The following PLXDC2 variants were observed in gnomAD, a reference collection of about 807,000 sequenced individuals.
PLXDC2 encodes the protein plexin domain-containing protein 2.
In PLXDC2, 40 loss-of-function variants were observed where a neutral mutation model predicts 68.9. The ratio of observed to expected loss-of-function variants is 0.58; its 90% CI spans 0.45 to 0.76. PLXDC2 has a LOEUF of 0.76. PLXDC2 is among the 30% of genes least tolerant of loss of function. The pLI is 0.00. For synonymous variants in PLXDC2, 243 were observed against 234.2 expected (o/e 1.04, Z -0.34); for missense variants, 644 against 661.9 (o/e 0.97, Z 0.30).
intron 1 of PLXDC2, among the ~76,000 whole-genome samples, chr10:19,880,942 T>C (rs1162686780): frequency 6.6e-6 from 1 of 152,214 alleles, no homozygotes. Context: ...TTCTTAACAA[T>C]CTTTTGAGAT....
intron 3 of PLXDC2, among the ~76,000 whole-genome samples, chr10:20,057,943 G>A (rs551580407): frequency 1.5e-4 from 22 of 151,600 alleles, no homozygotes; most frequent in East Asian, 1.4e-3. Context: ...GATGTGGGGG[G>A]CTCTTTGTGT....
chr10:20,110,031 A>G (rs1038817361), intron 4 of PLXDC2, among the ~76,000 whole-genome samples: 15 of 152,346 alleles, frequency 9.8e-5, no homozygotes, highest in African/African-American at 2.9e-4. Flanking sequence ...AAAAATATAT[A>G]TGTAGGCATC....
chr10:19,874,783 G>A (rs1837603468), intron 1 of PLXDC2, among the ~76,000 whole-genome samples: 1 of 152,202 alleles, frequency 6.6e-6, no homozygotes, highest in African/African-American at 2.4e-5. Context: ...TTCAGTTAAA[G>A]GGATCAGAAG....
chr10:19,959,454 G>A (rs770455717), intron 1 of PLXDC2, among the ~76,000 whole-genome samples: 1 of 152,164 alleles, frequency 6.6e-6, no homozygotes, highest in Non-Finnish European at 1.5e-5. Flanking sequence ...TGATGTCTTT[G>A]TAGCAGTGAG....
chr10:19,992,688 T>C (rs1447109425), intron 1 of PLXDC2, among the ~76,000 whole-genome samples: 1 of 152,196 alleles, frequency 6.6e-6, no homozygotes, highest in African/African-American at 2.4e-5. Flanking sequence ...TATTTCAAGA[T>C]ATAATAGAAA....
chr10:19,987,082 C>A (rs758990824), intron 1 of PLXDC2, among the ~76,000 whole-genome samples: 3 of 152,162 alleles, frequency 2.0e-5, no homozygotes, highest in Non-Finnish European at 2.9e-5. Context: ...TTAATTGAAA[C>A]ATAAATGGAG....
intron 1 of PLXDC2, among the ~76,000 whole-genome samples, chr10:19,885,530 G>T (rs1288337961): frequency 2.6e-5 from 4 of 151,912 alleles, no homozygotes; most frequent in Admixed American, 6.6e-5. Flanking sequence ...TGATTTTTGT[G>T]TAAGGTGTAA....
Position 20,285,988 on chromosome 10 carries a change from T to C in PLXDC2, c.*6169T>C, listed in dbSNP as rs1018122804. On this transcript the variant is annotated 3_prime_UTR_variant, in exon 14 of 14. Coordinates refer to ENST00000377252, the MANE Select transcript of PLXDC2 (RefSeq NM_032812.9). Reference sequence around the variant, plus strand: ...GCCTAATTATTGTCTGGAATAACTTTTCAACCATCCAATGCCCACTGCTCT... The same window carrying C: ...GCCTAATTATTGTCTGGAATAACTTCTCAACCATCCAATGCCCACTGCTCT... 5 of 152,224 alleles carry C rather than the reference T, an allele frequency of 3.3e-5. No homozygotes were observed. The highest frequency in any genetic ancestry group is 3.3e-4 in the Admixed American group (5 of 15,278). 9.4% of individuals were successfully genotyped at this position (152,224 alleles called of 1,614,324 possible).
intron 1 of PLXDC2, among the ~76,000 whole-genome samples, chr10:19,991,958 A>G (rs1431558883): frequency 6.6e-6 from 1 of 152,196 alleles, no homozygotes; most frequent in Non-Finnish European, 1.5e-5. Flanking sequence ...AGTGGGACTT[A>G]CCTGTTAGTT....
intron 2 of PLXDC2, among the ~76,000 whole-genome samples, chr10:20,025,968 G>A (rs552677741): frequency 8.6e-5 from 13 of 152,036 alleles, no homozygotes; most frequent in South Asian, 4.1e-4. Flanking sequence ...AAAGAACTAC[G>A]TAGATAAACT....
chr10:19,928,379 C>T (rs973852917), intron 1 of PLXDC2, among the ~76,000 whole-genome samples: 2 of 152,174 alleles, frequency 1.3e-5, no homozygotes, highest in African/African-American at 4.8e-5. Flanking sequence ...ATGATGGACA[C>T]AATATACCAT....
Position 20,200,872 on chromosome 10 carries a change from A to G in PLXDC2, c.1062-10797A>G, listed in dbSNP as rs113420872. Among the ~76,000 whole-genome samples, 500 of 152,246 alleles carry G rather than the reference A, an allele frequency of 3.3e-3. 1 individual carries two copies. Among genetic ancestry groups the G allele is most frequent in the African/African-American group, 0.01 (432 of 41,564 alleles). On this transcript the variant is annotated intron_variant, in intron 9 of 13. Coordinates refer to ENST00000377252, the MANE Select transcript of PLXDC2 (RefSeq NM_032812.9). ...AGTAGCTATCATCAAAAAGATAAAA[A>G]GTAACAAATGCTGCTGACAAGGACA...
intron 6 of PLXDC2, among the ~76,000 whole-genome samples, chr10:20,162,303 A>T (rs923267118): frequency 6.6e-6 from 1 of 152,210 alleles, no homozygotes; most frequent in Non-Finnish European, 1.5e-5. Flanking sequence ...TACTATACAT[A>T]ATGACATAAT....
At chr10:19,873,066 G>A (rs377494478) in intron 1 of PLXDC2, among the ~76,000 whole-genome samples, 39 of 152,280 alleles carry the variant, frequency 2.6e-4, no homozygotes, top group African/African-American at 7.9e-4. Flanking sequence ...GTCGGTACAG[G>A]TTCAAAACAA....
chr10:20,132,021 C>T (rs1833874357), intron 4 of PLXDC2, among the ~76,000 whole-genome samples: 2 of 151,978 alleles, frequency 1.3e-5, no homozygotes, highest in Admixed American at 6.6e-5. Context: ...TTGCTGCATC[C>T]CATAAAATTT....
chr10:20,086,869 T>C (rs1187684587), intron 4 of PLXDC2, among the ~76,000 whole-genome samples: 1 of 152,208 alleles, frequency 6.6e-6, no homozygotes, highest in Non-Finnish European at 1.5e-5. Context: ...GTTGTGCCAC[T>C]TATACATGGC....
chr10:19,924,700 G>T (rs964971859), intron 1 of PLXDC2, among the ~76,000 whole-genome samples: 1 of 152,224 alleles, frequency 6.6e-6, no homozygotes, highest in Non-Finnish European at 1.5e-5. Flanking sequence ...GATCTGAAAA[G>T]ATGACAGATA....
At chr10:20,224,033 G>C (rs1835254088) in intron 12 of PLXDC2, among the ~76,000 whole-genome samples, 1 of 149,106 alleles carries the variant, frequency 6.7e-6, no homozygotes, top group Non-Finnish European at 1.5e-5. Context: ...GGAGTGCAGT[G>C]GTGCAATCTT....
At chr10:20,246,455 T>A (rs917591552) in intron 13 of PLXDC2, among the ~76,000 whole-genome samples, 1 of 152,240 alleles carries the variant, frequency 6.6e-6, no homozygotes, top group Non-Finnish European at 1.5e-5. Context: ...GTTCAAGCAA[T>A]TTTTGTGCAT....
Sources: gnomAD v4.1 joint callset for allele counts (sites outside exome capture counted in the v4.1 genomes callset) on GRCh38, gnomAD v4.1.1 for gene constraint, MANE v1.5 for transcripts, NCBI Gene and HGNC (gene_info 2026-07-23, HGNC 2026-07-21) for gene names.